The following GRXCR2 variants were observed in gnomAD, a reference collection of about 807,000 sequenced individuals.
GRXCR2 encodes the protein glutaredoxin and cysteine rich domain containing 2, also known as glutaredoxin domain-containing cysteine-rich protein 2.
In GRXCR2, 23 loss-of-function variants were observed where a neutral mutation model predicts 24.8. The ratio of observed to expected loss-of-function variants is 0.93; its 90% CI spans 0.67 to 1.32. GRXCR2 has a LOEUF of 1.32. GRXCR2 is among the 40% of genes most tolerant of loss of function. The pLI, the probability that GRXCR2 is intolerant of heterozygous loss-of-function variation, is 0.00. For synonymous variants in GRXCR2, 130 were observed against 116.1 expected, an observed-to-expected ratio of 1.12 and a Z score of -0.77; for missense variants, 315 against 303.4, an observed-to-expected ratio of 1.04 and a Z score of -0.28.
chr5:145,918,123 G>T (rs1431044686), intron 2 of GRXCR2, among the ~76,000 whole-genome samples: 2 of 152,190 alleles, frequency 1.3e-5, no homozygotes, highest in Non-Finnish European at 2.9e-5. Context: ...GGGAATGCCA[G>T]TTCCCGTGAT....
intron 1 of GRXCR2, among the ~76,000 whole-genome samples, chr5:145,868,238 C>T (rs1756468262): frequency 6.6e-6 from 1 of 152,178 alleles, no homozygotes; most frequent in Non-Finnish European, 1.5e-5. Flanking sequence ...CATGCACAAT[C>T]ATACTACACA....
chr5:145,857,938 A>T (rs1756265028), downstream of GRXCR2, among the ~76,000 whole-genome samples: 1 of 152,222 alleles, frequency 6.6e-6, no homozygotes, highest in South Asian at 2.1e-4. Context: ...TCTCTGGGTA[A>T]CATGATACAT....
intron 2 of GRXCR2, among the ~76,000 whole-genome samples, chr5:145,920,181 C>G (rs1162557917): frequency 6.6e-6 from 1 of 152,084 alleles, no homozygotes; most frequent in Non-Finnish European, 1.5e-5. Flanking sequence ...TACACTATTA[C>G]TCCTGCTCCA....
At chr5:145,865,992 T>TAGAC (rs58278628) in intron 2 of GRXCR2, among the ~76,000 whole-genome samples, 101,822 of 151,328 alleles carry the variant, frequency 0.67, 35,089 homozygotes, top group African/African-American at 0.81. Flanking sequence ...AAAAAAAAAT[T>TAGAC]AGGCATGGTG....
intron 2 of GRXCR2, among the ~76,000 whole-genome samples, chr5:145,910,381 C>T (rs1038464861): frequency 6.6e-6 from 1 of 152,144 alleles, no homozygotes; most frequent in East Asian, 1.9e-4. Flanking sequence ...CATTAACCAA[C>T]AAAAAGGGAC....
upstream of GRXCR2, among the ~76,000 whole-genome samples, chr5:145,876,604 A>G (rs1239108190): frequency 2.0e-5 from 3 of 152,156 alleles, no homozygotes; most frequent in Non-Finnish European, 4.4e-5. Context: ...AACATTTTCA[A>G]TTGCCCCAAA....
chr5:145,925,771 G>T (rs1262887047), intron 2 of GRXCR2, among the ~76,000 whole-genome samples: 1 of 152,116 alleles, frequency 6.6e-6, no homozygotes, highest in African/African-American at 2.4e-5. Context: ...CCTAAAAAAT[G>T]TCTAATTGCT....
chr5:145,875,267 T>C (rs1393477913), upstream of GRXCR2, among the ~76,000 whole-genome samples: 1 of 151,980 alleles, frequency 6.6e-6, no homozygotes, highest in Non-Finnish European at 1.5e-5. Context: ...AGTGAAGAGG[T>C]GGCTGGGCGC....
chr5:145,878,366 C>A (rs1756649697), intron 2 of GRXCR2, among the ~76,000 whole-genome samples: 1 of 152,034 alleles, frequency 6.6e-6, no homozygotes, highest in Admixed American at 6.6e-5. Flanking sequence ...CCTGATGGAG[C>A]TGAAAACCAT....
chr5:145,861,244 C>G (rs932120135), intron 2 of GRXCR2, among the ~76,000 whole-genome samples: 1 of 152,168 alleles, frequency 6.6e-6, no homozygotes, highest in Non-Finnish European at 1.5e-5. Context: ...TATTAAGTTG[C>G]CTGCAGTAGT....
intron 2 of GRXCR2, among the ~76,000 whole-genome samples, chr5:145,921,801 C>T (rs1757325058): frequency 6.6e-6 from 1 of 152,110 alleles, no homozygotes; most frequent in Non-Finnish European, 1.5e-5. Flanking sequence ...TCTCTAAAAC[C>T]AAGTAGCAAA....
At chr5:145,889,386 C>T (rs1462038046) in intron 2 of GRXCR2, among the ~76,000 whole-genome samples, 1 of 152,002 alleles carries the variant, frequency 6.6e-6, no homozygotes, top group Non-Finnish European at 1.5e-5. Context: ...AAAGAACTTA[C>T]TCATGTAACC....
intron 2 of GRXCR2, among the ~76,000 whole-genome samples, chr5:145,892,381 T>C (rs559209868): frequency 6.6e-6 from 1 of 151,998 alleles, no homozygotes; most frequent in East Asian, 1.9e-4. Flanking sequence ...GTTAAAGACC[T>C]TGAAAAAAAA....
intron 1 of GRXCR2, among the ~76,000 whole-genome samples, chr5:145,867,430 C>G (rs538130225): frequency 6.6e-6 from 1 of 152,310 alleles, no homozygotes; most frequent in South Asian, 2.1e-4. Context: ...AATATATACT[C>G]TGTTGCAACC....
chr5:145,889,179 AG>A lies in GRXCR2; in HGVS notation c.-69-22452del, dbSNP rs1188338262. Reference sequence around the variant, plus strand: ...CCGAGACTCTGTCTCAAAAAAAGAAAGAAAGAAAGAAAGAAAGAAAGAAAGA... The same window carrying A: ...CCGAGACTCTGTCTCAAAAAAAGAAAAAAGAAAGAAAGAAAGAAAGAAAGA... On this transcript the variant is annotated intron_variant, in intron 2 of 3. Coordinates refer to the GRXCR2 transcript ENST00000639411. Among the ~76,000 whole-genome samples the A allele has an allele frequency of 2.4e-3, 248 of 102,192 alleles. 2 individuals carry two copies. Among genetic ancestry groups the A allele is most frequent in the Middle Eastern group, 9.1e-3 (2 of 220 alleles). 67.0% of individuals were successfully genotyped at this position (102,192 alleles called of 152,430 possible). A position where few individuals can be genotyped will look rare whatever the true frequency, so the allele number is the denominator to read the frequency against.
chr5:145,892,638 G>A (rs1756885910), intron 2 of GRXCR2, among the ~76,000 whole-genome samples: 1 of 152,172 alleles, frequency 6.6e-6, no homozygotes, highest in Non-Finnish European at 1.5e-5. Context: ...TATGTAAAAA[G>A]ACCAAATCTA....
intron 2 of GRXCR2, among the ~76,000 whole-genome samples, chr5:145,892,299 T>A (rs371277736): frequency 6.6e-6 from 1 of 151,896 alleles, no homozygotes; most frequent in East Asian, 1.9e-4. Flanking sequence ...CTTTAACCAG[T>A]GGAGAGAAGA....
At chr5:145,884,300 A>G (rs1219561200) in intron 2 of GRXCR2, among the ~76,000 whole-genome samples, 3 of 152,248 alleles carry the variant, frequency 2.0e-5, no homozygotes, top group Non-Finnish European at 2.9e-5. Context: ...TATATCAACG[A>G]AAAAATGTTG....
In GRXCR2 at chr5:145,866,548, G is replaced by C. The variant is rs1756439832; in HGVS notation, c.517C>G (p.Pro173Ala). The C allele has an allele frequency of 6.2e-7, 1 of 1,613,988 alleles. No individual in the cohort carries two copies. Among genetic ancestry groups the C allele is most frequent in the Admixed American group, 1.7e-5 (1 of 59,996 alleles). The change falls in exon 2 of 3, where the codon CCT (proline) becomes GCT (alanine). Residue 173 changes from proline (P) to alanine (A), a missense_variant. Pro to Ala is a conservative substitution (Grantham distance 27, BLOSUM62 -1). Coordinates refer to ENST00000377976, the MANE Select transcript of GRXCR2 (RefSeq NM_001080516.2). ...SYGGRDQHDR[P>A]LVEAESTLPQ... ...AATGTGCTTTCTGCCTCCACCAAAGGTCTATCGTGCTGGTCCCTGCCTCCA... is the reference window on the plus strand; with the variant it reads ...AATGTGCTTTCTGCCTCCACCAAAGCTCTATCGTGCTGGTCCCTGCCTCCA...
Sources: allele counts gnomAD v4.1 joint callset (sites outside exome capture counted in the v4.1 genomes callset), GRCh38; gene constraint gnomAD v4.1.1; transcripts MANE v1.5; gene names NCBI Gene and HGNC (gene_info 2026-07-23, HGNC 2026-07-21).